Variants in GYS2 observed in about 807,000 individuals in gnomAD.
GYS2 encodes glycogen synthase 2, also known as glycogen [starch] synthase, liver.
GYS2 carries 80 observed loss-of-function variants against 85.6 expected under a neutral mutation model. The observed-to-expected ratio is 0.93, with a 90% confidence interval of 0.78 to 1.13. The LOEUF is 1.13. Among genes scored for constraint, GYS2 ranks in the 50% most tolerant of loss-of-function variants. The probability of loss-of-function intolerance (pLI) is 0.00; values close to 1 mark genes in which losing one functional copy is unlikely to be tolerated. For synonymous variants in GYS2, 328 were observed against 300.7 expected (o/e 1.09, Z -0.94); for missense variants, 881 against 854.9 (o/e 1.03, Z -0.38).
At chr12:21,539,213 T>C (rs1387835335) in intron 15 of GYS2, 45 bp downstream of exon 15, 2 of 1,054,138 alleles carry the variant, frequency 1.9e-6, no homozygotes, top group Non-Finnish European at 2.9e-6. Flanking sequence ...TTTAAACTTA[T>C]AAAAAGAAAT....
chr12:21,552,343 A>G (rs140873551), intron 11 of GYS2, among the ~76,000 whole-genome samples: 86 of 152,370 alleles, frequency 5.6e-4, no homozygotes, highest in African/African-American at 2.0e-3. Flanking sequence ...AGGCAAAATG[A>G]TAAATAAATT....
chr12:21,557,684 G>A (rs746984483), intron 11 of GYS2, among the ~76,000 whole-genome samples: 1 of 152,144 alleles, frequency 6.6e-6, no homozygotes, highest in South Asian at 2.1e-4. Flanking sequence ...TGGATCACGA[G>A]GTCAGGAGAT....
At position 21,584,648 on chromosome 12, in the gene GYS2, G is replaced by T. The variant is rs188766057; in HGVS notation, c.122-4125C>A. 5.0e-3 allele frequency among the ~76,000 whole-genome samples: 758 copies of T among 152,292 alleles called. 6 individuals carry two copies. The highest frequency in any genetic ancestry group is 0.017 in the African/African-American group (721 of 41,560). ...TTGATATGGCACCATTCCTCGGGGT[G>T]ATCAGCCAGCTACCTGGTGGCAGGT... On this transcript the variant is annotated intron_variant, in intron 1 of 15. Transcript: ENST00000261195.
chr12:21,558,724 C>T (rs545346848), intron 10 of GYS2, among the ~76,000 whole-genome samples: 17 of 152,288 alleles, frequency 1.1e-4, no homozygotes, highest in Admixed American at 4.6e-4. Context: ...GTTTTATCTC[C>T]TTTGTAATAA....
intron 3 of GYS2, among the ~76,000 whole-genome samples, chr12:21,575,090 A>C (rs767030457): frequency 5.9e-5 from 9 of 152,174 alleles, no homozygotes; most frequent in Admixed American, 1.3e-4. Flanking sequence ...ATAAATAATA[A>C]ATGATTCCAT....
At chr12:21,593,622 TA>T (rs1209944159) in intron 1 of GYS2, among the ~76,000 whole-genome samples, 1 of 151,874 alleles carries the variant, frequency 6.6e-6, no homozygotes, top group East Asian at 1.9e-4. Context: ...GAATCAGTAG[TA>T]AAAAGTCTCC....
Position 21,576,057 on chromosome 12 carries a change from C to A in GYS2, c.304G>T (p.Val102Leu). 1 of 1,610,764 alleles carries A rather than the reference C, an allele frequency of 6.2e-7. No individual in the cohort carries two copies. Among genetic ancestry groups the A allele is most frequent in the South Asian group, 1.1e-5 (1 of 91,046 alleles). ...TCTATCAGCCATCTTCCAAAATGCA[C>A]CTGTCATATAAAGAACACAGCCATG... ...VDAMNKHGCQ[V>L]HFGRWLIEGS... Residue 102 changes from valine to leucine, a missense_variant and splice_region_variant, in exon 3 of 16, where the codon GTG becomes TTG. Coordinates refer to ENST00000261195, the MANE Select transcript of GYS2 (RefSeq NM_021957.4).
intron 1 of GYS2, among the ~76,000 whole-genome samples, chr12:21,593,366 C>T (rs1198924075): frequency 2.0e-5 from 3 of 146,528 alleles, no homozygotes; most frequent in African/African-American, 7.6e-5. Flanking sequence ...GGATATAGCT[C>T]TAGCTAGACT....
chr12:21,535,441 C>T (rs1943901905), downstream of GYS2, among the ~76,000 whole-genome samples: 1 of 152,202 alleles, frequency 6.6e-6, no homozygotes, highest in Non-Finnish European at 1.5e-5. Context: ...TTTCAAACTG[C>T]TCTGCAGATG....
At chr12:21,590,292 G>A (rs763802393) in intron 1 of GYS2, among the ~76,000 whole-genome samples, 1 of 152,182 alleles carries the variant, frequency 6.6e-6, no homozygotes, top group African/African-American at 2.4e-5. Context: ...GTGGCCTGAG[G>A]TCAGGAACAC....
chr12:21,558,999 T>C, intron 10 of GYS2, 92 bp downstream of exon 10: 2 of 736,556 alleles, frequency 2.7e-6, no homozygotes, highest in Non-Finnish European at 2.3e-6. Flanking sequence ...GGTCTGAAAA[T>C]GTTCCAAATT....
chr12:21,539,470 C>A, intron 14 of GYS2, 132 bp from the exon 15 acceptor site: 2 of 706,532 alleles, frequency 2.8e-6, no homozygotes, highest in South Asian at 1.6e-5. Context: ...TCTATGCAGT[C>A]TAAGTTTGAG....
chr12:21,542,295 C>A (rs979135088), intron 13 of GYS2, among the ~76,000 whole-genome samples: 1 of 152,182 alleles, frequency 6.6e-6, no homozygotes, highest in Admixed American at 6.5e-5. Context: ...AGTGATCCAC[C>A]CACCTCGGCC....
At chr12:21,552,374 A>G (rs554373903) in intron 11 of GYS2, among the ~76,000 whole-genome samples, 2 of 152,262 alleles carry the variant, frequency 1.3e-5, no homozygotes, top group African/African-American at 4.8e-5. Flanking sequence ...ATGATCTGCA[A>G]TGTTTGCTGA....
At chr12:21,576,135 T>A (rs550100028) in intron 2 of GYS2, 78 bp from the exon 3 acceptor site, 2 of 1,162,968 alleles carry the variant, frequency 1.7e-6, no homozygotes, top group Non-Finnish European at 2.6e-6. Context: ...TCTGAGGATA[T>A]AAACTTTATG....
chr12:21,546,198 G>T, intron 12 of GYS2, 146 bp downstream of exon 12: 2 of 546,684 alleles, frequency 3.7e-6, no homozygotes, highest in East Asian at 3.2e-5. Flanking sequence ...ATTAATCCCT[G>T]TGATAAATCC....
At chr12:21,560,250 AAG>A in intron 8 of GYS2, 134 bp downstream of exon 8, 1 of 676,052 alleles carries the variant, frequency 1.5e-6, no homozygotes, top group Non-Finnish European at 2.7e-6. Flanking sequence ...GCACGATGAA[AAG>A]AGAGTCAAGT....
At chr12:21,576,890 A>G (rs550767977) in intron 2 of GYS2, among the ~76,000 whole-genome samples, 1 of 152,294 alleles carries the variant, frequency 6.6e-6, no homozygotes, top group African/African-American at 2.4e-5. Context: ...CTCATAAACC[A>G]CTTCAAACCC....
In GYS2 at chr12:21,604,663, T is replaced by G; in HGVS notation, c.-71A>C. 1 of 1,604,942 alleles carries G rather than the reference T, an allele frequency of 6.2e-7. No homozygotes were observed. Among genetic ancestry groups the G allele is most frequent in the South Asian group, 1.1e-5 (1 of 90,406 alleles). On this transcript the variant is annotated 5_prime_UTR_variant, in exon 1 of 16. Transcript: ENST00000261195. The stretch of plus-strand genomic sequence containing the variant: ...AGTTGTAATCCCAGGAGAAGAGAAC[T>G]TACAGGCACAAAAGTTAGAGTTGGT...
Sources: gnomAD v4.1 joint callset for allele counts (sites outside exome capture counted in the v4.1 genomes callset) on GRCh38, gnomAD v4.1.1 for gene constraint, MANE v1.5 for transcripts, NCBI Gene and HGNC (gene_info 2026-07-23, HGNC 2026-07-21) for gene names.